GALNT13: variants seen among roughly 807,000 people sequenced by gnomAD.
GALNT13 encodes UDP-GalNAc:polypeptide N-acetylgalactosaminyltransferase 13.
Under a neutral mutation model 64.2 loss-of-function variants are expected in GALNT13, and 28 were observed. The ratio of observed to expected loss-of-function variants is 0.44; its 90% CI spans 0.32 to 0.60. The LOEUF (loss-of-function observed/expected upper bound fraction) is 0.60. Among genes scored for constraint, GALNT13 ranks in the 20% least tolerant of loss-of-function variants. The pLI is 0.05. For missense variants in GALNT13, 577 were observed against 669.8 expected (o/e 0.86, Z 1.53); for synonymous variants, 214 against 224.6 (o/e 0.95, Z 0.42).
At chr2:153,415,175 C>T in the GALNT13 span, among the ~76,000 whole-genome samples, 1 of 152,110 alleles carries the variant, frequency 6.6e-6, no homozygotes, top group Non-Finnish European at 1.5e-5. Context: ...TTAATATCTT[C>T]CAGGTGCTAC....
the GALNT13 span, among the ~76,000 whole-genome samples, chr2:153,426,045 T>C: frequency 6.6e-6 from 1 of 151,948 alleles, no homozygotes; most frequent in Non-Finnish European, 1.5e-5. Context: ...ATACACTGTC[T>C]AATTATATAT....
At chr2:153,946,414 T>G (rs1338926962) in intron 3 of GALNT13, among the ~76,000 whole-genome samples, 1 of 152,176 alleles carries the variant, frequency 6.6e-6, no homozygotes, top group East Asian at 1.9e-4. Context: ...TTGTTCTCTT[T>G]GTTGATAAGA....
At position 154,453,809 on chromosome 2, in the gene GALNT13, TTAAAA is replaced by T. The variant is rs981717578; in HGVS notation, c.*3263_*3267del. 2.0e-5 allele frequency: 3 copies of T among 152,202 alleles called. No homozygotes were observed. Among genetic ancestry groups the T allele is most frequent in the Admixed American group, 6.6e-5 (1 of 15,264 alleles). The allele number at this position is 152,202 out of a possible 1,614,324, so 9.4% of individuals were successfully genotyped here. A position where few individuals can be genotyped will look rare whatever the true frequency, so the allele number is the denominator to read the frequency against. On this transcript the variant is annotated 3_prime_UTR_variant, in exon 13 of 13. Coordinates refer to ENST00000392825, the MANE Select transcript of GALNT13 (RefSeq NM_052917.4). ...TCATACTTTTTTTGTATTTTAAATT[TTAAAA>T]TAAAGGCTAATATATTTAGACAGGA... is the stretch of plus-strand genomic sequence containing the variant.
chr2:153,278,922 A>G, the GALNT13 span, among the ~76,000 whole-genome samples: 2 of 152,286 alleles, frequency 1.3e-5, no homozygotes, highest in South Asian at 4.1e-4. Context: ...TAGAAATAGT[A>G]TTGAATCTGC....
At chr2:154,414,490 C>T (rs1422342003) in intron 11 of GALNT13, among the ~76,000 whole-genome samples, 1 of 140,336 alleles carries the variant, frequency 7.1e-6, no homozygotes, top group Admixed American at 7.6e-5. Context: ...ATCGCAGTGG[C>T]CAACCCTGTG....
In GALNT13 at chr2:154,242,940, G is replaced by T; in HGVS notation, c.686+35G>T. 3 of 1,548,926 alleles carry T rather than the reference G, an allele frequency of 1.9e-6. No homozygotes were observed. In the South Asian group the frequency reaches 3.4e-5, roughly 17 times the overall value. ...TATGTGTTCTGTCTGCCTGGGTTAT[G>T]ACTGAACCTCTTAGGACAGTTCCAG... On this transcript the variant is annotated intron_variant, in intron 6 of 12. Transcript: ENST00000392825.
the GALNT13 span, among the ~76,000 whole-genome samples, chr2:153,255,330 T>TC: frequency 7.1e-6 from 1 of 139,872 alleles, no homozygotes; most frequent in East Asian, 1.9e-4. Context: ...TGGTAGATCT[T>TC]CCTCCATCCT....
the GALNT13 span, among the ~76,000 whole-genome samples, chr2:153,643,033 G>A: frequency 6.6e-5 from 10 of 151,462 alleles, no homozygotes; most frequent in African/African-American, 2.2e-4. Context: ...AATATAATCT[G>A]TGAGGTGTAG....
intron 3 of GALNT13, among the ~76,000 whole-genome samples, chr2:153,976,636 A>G (rs1413849855): frequency 6.6e-6 from 1 of 152,160 alleles, no homozygotes; most frequent in African/African-American, 2.4e-5. Flanking sequence ...TGGTTGAGGT[A>G]ATAGCTCATT....
At chr2:153,489,261 T>C in the GALNT13 span, among the ~76,000 whole-genome samples, 1 of 152,182 alleles carries the variant, frequency 6.6e-6, no homozygotes, top group South Asian at 2.1e-4. Context: ...GCACATATAC[T>C]TCCTAAATCT....
intron 3 of GALNT13, among the ~76,000 whole-genome samples, chr2:154,003,257 A>G (rs1021402752): frequency 1.3e-5 from 2 of 152,130 alleles, no homozygotes; most frequent in Non-Finnish European, 2.9e-5. Context: ...TGTGGAATGA[A>G]ATCAGTTTGG....
chr2:153,133,073 C>T, the GALNT13 span, among the ~76,000 whole-genome samples: 26,853 of 143,040 alleles, frequency 0.19, 2,551 homozygotes, highest in Middle Eastern at 0.27. Context: ...GAAACGAGAG[C>T]GTGTTAAGGA....
At chr2:153,958,342 C>A (rs1040413221) in intron 3 of GALNT13, among the ~76,000 whole-genome samples, 3 of 152,082 alleles carry the variant, frequency 2.0e-5, no homozygotes, top group Non-Finnish European at 2.9e-5. Context: ...GTAACATGAG[C>A]CAGTAAAGGT....
At chr2:154,208,234 T>G (rs1687570332) in intron 4 of GALNT13, among the ~76,000 whole-genome samples, 1 of 152,226 alleles carries the variant, frequency 6.6e-6, no homozygotes, top group Non-Finnish European at 1.5e-5. Context: ...TGTCTGGCAC[T>G]AATGATATTC....
chr2:153,430,947 C>T, the GALNT13 span, among the ~76,000 whole-genome samples: 22 of 151,726 alleles, frequency 1.4e-4, no homozygotes, highest in Admixed American at 1.3e-3. Context: ...GTCAGGAGTT[C>T]GAGACCAGCC....
chr2:154,350,834 A>C (rs1259036484), intron 9 of GALNT13, among the ~76,000 whole-genome samples: 1 of 152,172 alleles, frequency 6.6e-6, no homozygotes, highest in Admixed American at 6.5e-5. Context: ...GACCAGGCAA[A>C]AACTTAAGAG....
the GALNT13 span, among the ~76,000 whole-genome samples, chr2:153,768,037 AG>A: frequency 6.6e-6 from 1 of 152,264 alleles, no homozygotes; most frequent in East Asian, 1.9e-4. Flanking sequence ...GTTAATGTCC[AG>A]AAGAGTTTTT....
At chr2:154,057,917 T>C (rs1298244660) in intron 3 of GALNT13, among the ~76,000 whole-genome samples, 1 of 152,202 alleles carries the variant, frequency 6.6e-6, no homozygotes, top group East Asian at 1.9e-4. Context: ...TTGTTAAATA[T>C]ATTAATTTAT....
At chr2:153,475,419 T>C in the GALNT13 span, among the ~76,000 whole-genome samples, 1 of 152,146 alleles carries the variant, frequency 6.6e-6, no homozygotes, top group Admixed American at 6.5e-5. Context: ...AGAGAATAAA[T>C]GTGGATAGTT....
Sources: allele counts gnomAD v4.1 joint callset (sites outside exome capture counted in the v4.1 genomes callset), GRCh38; gene constraint gnomAD v4.1.1; transcripts MANE v1.5; gene names NCBI Gene and HGNC (gene_info 2026-07-23, HGNC 2026-07-21).